QSOX1: variants seen among roughly 807,000 people sequenced by gnomAD.
QSOX1 encodes sulfhydryl oxidase 1.
QSOX1 carries 40 observed loss-of-function variants against 76.1 expected under a neutral mutation model. That is an observed-to-expected ratio of 0.53 (90% CI 0.41 to 0.68). QSOX1 has a LOEUF of 0.68. Among genes scored for constraint, QSOX1 ranks in the 30% least tolerant of loss-of-function variants. The probability of loss-of-function intolerance (pLI) is 0.00; values close to 1 mark genes in which losing one functional copy is unlikely to be tolerated. For missense variants in QSOX1, 931 were observed against 974.3 expected (o/e 0.96, Z 0.59); for synonymous variants, 392 against 413.1 (o/e 0.95, Z 0.62).
rs113478936 is a variant in QSOX1 at position 180,183,822 on chromosome 1, G to A, written c.753-94G>A. ...ACATATTTAATAAACCTTCCTGTCCGATGAGCCACCCTTCTTCCTCTTCTG... is the reference window on the plus strand; with the variant it reads ...ACATATTTAATAAACCTTCCTGTCCAATGAGCCACCCTTCTTCCTCTTCTG... On this transcript the variant is annotated intron_variant, in intron 6 of 11. Coordinates refer to ENST00000367602, the MANE Select transcript of QSOX1 (RefSeq NM_002826.5). 31 of 1,371,010 alleles carry A rather than the reference G, an allele frequency of 2.3e-5. No homozygotes were observed. The African/African-American group carries it at 3.1e-4, about 14-fold the overall frequency. 84.9% of individuals were successfully genotyped at this position (1,371,010 alleles called of 1,614,324 possible). A position where few individuals can be genotyped will look rare whatever the true frequency, so the allele number is the denominator to read the frequency against.
At chr1:180,182,383 C>T (rs1002391191) in intron 6 of QSOX1, 64 bp downstream of exon 6, 12 of 1,591,294 alleles carry the variant, frequency 7.5e-6, no homozygotes, top group Non-Finnish European at 1.0e-5. Context: ...CCTTCTTGCC[C>T]AGAGGGGCTG....
intron 2 of QSOX1, among the ~76,000 whole-genome samples, chr1:180,171,461 C>G (rs1662758803): frequency 6.6e-6 from 1 of 152,116 alleles, no homozygotes; most frequent in African/African-American, 2.4e-5. Context: ...GGGCAGTATC[C>G]AGACACCTGA....
intron 1 of QSOX1, among the ~76,000 whole-genome samples, chr1:180,163,406 A>G (rs1475225660): frequency 1.3e-5 from 2 of 152,182 alleles, no homozygotes; most frequent in African/African-American, 4.8e-5. Context: ...TTAGTTGCTT[A>G]TATTAATTAG....
rs1663502222 is a variant in QSOX1, at chr1:180,196,777, C to T, written c.1984C>T (p.Leu662Phe). 7 of 1,614,044 alleles carry T rather than the reference C, an allele frequency of 4.3e-6. No homozygotes were observed. Among genetic ancestry groups the T allele is most frequent in the Admixed American group, 1.7e-5 (1 of 60,012 alleles). The part of the protein sequence containing the change: ...LAESRAEKNR[L>F]WGPLEVRRVG... ...TGAGTCCAGGGCTGAGAAGAACCGCCTCTGGGGCCCTTTGGAGGTCAGGCG... is the reference window on the plus strand; with the variant it reads ...TGAGTCCAGGGCTGAGAAGAACCGCTTCTGGGGCCCTTTGGAGGTCAGGCG... Residue 662 changes from leucine (L) to phenylalanine (F), a missense_variant, in exon 12 of 12, where the codon CTC becomes TTC. Coordinates refer to ENST00000367602, the MANE Select transcript of QSOX1 (RefSeq NM_002826.5). This position sits in a 1 kb window ranked among gnomAD's most constrained non-coding sequence, Gnocchi z 4.1.
At chr1:180,174,275 C>A (rs1368009350) in intron 2 of QSOX1, among the ~76,000 whole-genome samples, 1 of 151,930 alleles carries the variant, frequency 6.6e-6, no homozygotes, top group Non-Finnish European at 1.5e-5. Flanking sequence ...GGGCAGAAGC[C>A]CAGATTGCCA....
In QSOX1 at chr1:180,196,891, G is replaced by T. The variant is rs767513827; in HGVS notation, c.2098G>T (p.Val700Leu). The T allele has an allele frequency of 1.3e-6, 2 of 1,593,388 alleles. No individual in the cohort carries two copies. Among genetic ancestry groups the T allele is most frequent in the Non-Finnish European group, 1.7e-6 (2 of 1,167,516 alleles). The change falls in exon 12 of 12, where the codon GTG (valine) becomes TTG (leucine). Residue 700 changes from valine (V) to leucine (L), a missense_variant. Transcript: ENST00000367602. The surrounding 1 kb of genome is among the most constrained non-coding windows in gnomAD (Gnocchi z 4.1). ...ACGGGGCCGAGGCCAGTGGCTGCAGGTGCTGGGAGGGGGCTTCTCTTACCT... is the reference window on the plus strand; with the variant it reads ...ACGGGGCCGAGGCCAGTGGCTGCAGTTGCTGGGAGGGGGCTTCTCTTACCT... ...AGRGRGQWLQ[V>L]LGGGFSYLDI...
chr1:180,166,985 A>G (rs189334681), intron 2 of QSOX1, among the ~76,000 whole-genome samples: 3 of 152,306 alleles, frequency 2.0e-5, no homozygotes, highest in African/African-American at 7.2e-5. Context: ...GCCTCACCCC[A>G]CTGTCAGAAT....
Position 180,196,142 on chromosome 1 carries a change from A to C in QSOX1, c.1469-120A>C. On this transcript the variant is annotated intron_variant, in intron 11 of 11. Transcript: ENST00000367602. The surrounding 1 kb of genome is among the most constrained non-coding windows in gnomAD (Gnocchi z 4.1). ...TATTTTCTAATTACCCATCCTCTGGAAGGGCAGTGGCGAGCCCTTTCTGCA... is the reference window on the plus strand; with the variant it reads ...TATTTTCTAATTACCCATCCTCTGGCAGGGCAGTGGCGAGCCCTTTCTGCA... 7.9e-7 allele frequency: 1 copy of C among 1,259,400 alleles called. No individual in the cohort carries two copies. The highest frequency in any genetic ancestry group is 1.5e-5 in the African/African-American group (1 of 66,516). The allele number at this position is 1,259,400 out of a possible 1,614,324, so 78.0% of individuals were successfully genotyped here.
At chr1:180,180,470 A>G (rs1663003242) in intron 5 of QSOX1, among the ~76,000 whole-genome samples, 1 of 152,168 alleles carries the variant, frequency 6.6e-6, no homozygotes, top group Non-Finnish European at 1.5e-5. Context: ...TCAGCCTCCC[A>G]TAATGCTGGG....
Position 180,154,914 on chromosome 1 carries a change from A to T in QSOX1, c.7A>T (p.Arg3Trp). ...GGTGAGCGCAGCGCCGAGGATGAGG[A>T]GGTGCAACAGCGGCTCCGGGCCGCC... MR[R>W]CNSGSGPPPS... Residue 3 changes from arginine to tryptophan, a missense_variant, in exon 1 of 12, where the codon AGG becomes TGG. By Grantham distance (101) the Arg-to-Trp change is moderately radical. Coordinates refer to ENST00000367602, the MANE Select transcript of QSOX1 (RefSeq NM_002826.5). 1 of 1,452,236 alleles carries T rather than the reference A, an allele frequency of 6.9e-7. No individual in the cohort carries two copies. The highest frequency in any genetic ancestry group is 2.6e-5 in the Admixed American group (1 of 38,802). The allele number at this position is 1,452,236 out of a possible 1,614,324, so 90.0% of individuals were successfully genotyped here.
chr1:180,157,000 A>G (rs1482554343), intron 1 of QSOX1, among the ~76,000 whole-genome samples: 3 of 152,212 alleles, frequency 2.0e-5, no homozygotes, highest in African/African-American at 7.2e-5. Context: ...GCCTCTTGCA[A>G]TGCAGAGTTT....
At chr1:180,193,874 C>T (rs1321840220) in intron 10 of QSOX1, among the ~76,000 whole-genome samples, 2 of 152,128 alleles carry the variant, frequency 1.3e-5, no homozygotes, top group African/African-American at 4.8e-5. Flanking sequence ...GCCCTCTGGC[C>T]CCTGCTGACC....
In QSOX1 at chr1:180,197,857, A is replaced by C. The variant is rs956006951; in HGVS notation, c.*820A>C. 1 of 268,758 alleles carries C rather than the reference A, an allele frequency of 3.7e-6. No homozygotes were observed. The highest frequency in any genetic ancestry group is 7.4e-6 in the Non-Finnish European group (1 of 135,150). The allele number at this position is 268,758 out of a possible 1,614,324, so 16.6% of individuals were successfully genotyped here. A position where few individuals can be genotyped will look rare whatever the true frequency, so the allele number is the denominator to read the frequency against. On this transcript the variant is annotated 3_prime_UTR_variant, in exon 12 of 12. Transcript: ENST00000367602. ...ATTTTGGTCTCCAAGATGAATGCTC[A>C]TCTTTGGAGGGTGCCAGGTAGAAGC...
At position 180,175,930 on chromosome 1, in the gene QSOX1, G is replaced by A; in HGVS notation, c.413-1G>A. ...CCGCTCACGCCTGTTTTCATTTACA[G>A]TGGCTGGTGCTGACGTGCAGACACT... On this transcript the variant is annotated splice_acceptor_variant, in intron 3 of 11. Transcript: ENST00000367602. LOFTEE classifies it high-confidence loss of function. 4 of 1,587,488 alleles carry A rather than the reference G, an allele frequency of 2.5e-6. No individual in the cohort carries two copies. The highest frequency in any genetic ancestry group is 2.6e-6 in the Non-Finnish European group (3 of 1,167,038).
In QSOX1 at chr1:180,196,371, C is replaced by T. The variant is rs1261980938; in HGVS notation, c.1578C>T (p.Ala526=). ...ATGTGCCCGTGTGGGACGTGGAAGC[C>T]ACCCTCAACTTCCTCAAGGCCCACT... is the stretch of plus-strand genomic sequence containing the variant. ...RLDVPVWDVE[A]TLNFLKAHFS... is the part of the protein sequence containing the mutation. Residue 526 remains alanine, a synonymous_variant, in exon 12 of 12, where the codon GCC becomes GCT. Transcript: ENST00000367602. This position sits in a 1 kb window ranked among gnomAD's most constrained non-coding sequence, Gnocchi z 4.1. The T allele has an allele frequency of 2.5e-6, 4 of 1,614,166 alleles. No homozygotes were observed. Among genetic ancestry groups the T allele is most frequent in the Non-Finnish European group, 3.4e-6 (4 of 1,180,026 alleles).
chr1:180,183,542 G>C (rs919703125), intron 6 of QSOX1, among the ~76,000 whole-genome samples: 1 of 152,158 alleles, frequency 6.6e-6, no homozygotes, highest in Non-Finnish European at 1.5e-5. Flanking sequence ...ATTGAATCTC[G>C]GGGTCCTTGG....
chr1:180,159,726 G>C (rs1662451834), intron 1 of QSOX1, among the ~76,000 whole-genome samples: 1 of 152,188 alleles, frequency 6.6e-6, no homozygotes, highest in African/African-American at 2.4e-5. Flanking sequence ...TCCTGATCTT[G>C]GAAGGTCAGA....
chr1:180,191,735 C>T (rs180687600), intron 10 of QSOX1, among the ~76,000 whole-genome samples: 11 of 152,238 alleles, frequency 7.2e-5, no homozygotes, highest in African/African-American at 1.4e-4. Flanking sequence ...GTGGAGGGCC[C>T]GGTGCTGGGA....
At position 180,196,265 on chromosome 1, in the gene QSOX1, C is replaced by A. The variant is rs61734470; in HGVS notation, c.1472C>A (p.Ala491Asp). The change falls in exon 12 of 12, where the codon GCC becomes GAC. Residue 491 changes from alanine (A) to aspartate (D), a missense_variant. Ala to Asp is a moderately radical substitution (Grantham distance 126). Coordinates refer to ENST00000367602, the MANE Select transcript of QSOX1 (RefSeq NM_002826.5). This position sits in a 1 kb window ranked among gnomAD's most constrained non-coding sequence, Gnocchi z 4.1. ...CTGTGTATGCTTCCCTCTGTAGGTG[C>A]CCCCAGCGAGGACCCCCAGTTCCCC... ...HNRVNARLAG[A>D]PSEDPQFPKV... 19 of 1,608,354 alleles carry A rather than the reference C, an allele frequency of 1.2e-5. No individual in the cohort carries two copies. In the African/African-American group the frequency reaches 2.3e-4, roughly 19 times the overall value.
Sources: allele counts gnomAD v4.1 joint callset (sites outside exome capture counted in the v4.1 genomes callset), GRCh38; gene constraint gnomAD v4.1.1; non-coding constraint Gnocchi (gnomAD v3.1); transcripts MANE v1.5; gene names NCBI Gene and HGNC (gene_info 2026-07-23, HGNC 2026-07-21).